CTIF: variants seen among roughly 807,000 people sequenced by gnomAD.
The protein encoded by CTIF is cap binding complex dependent translation initiation factor, also known as CBP80/20-dependent translation initiation factor.
In CTIF, 21 loss-of-function variants were observed where a neutral mutation model predicts 66.0. The observed-to-expected ratio is 0.32, with a 90% confidence interval of 0.23 to 0.46. The LOEUF (loss-of-function observed/expected upper bound fraction) is 0.46, where lower values mean the gene tolerates loss of function less well. CTIF is among the 20% of genes least tolerant of loss of function. CTIF has a pLI of 1.00. For synonymous variants in CTIF, 345 were observed against 326.4 expected (o/e 1.06, Z -0.62); for missense variants, 739 against 812.7 (o/e 0.91, Z 1.10).
At chr18:48,540,305 G>C (rs2088575866) in intron 1 of CTIF, 1 of 148,754 alleles carries the variant, frequency 6.7e-6, no homozygotes, top group Non-Finnish European at 1.5e-5. Flanking sequence ...CGTGGGGTGG[G>C]CTCCGGCTCG....
At chr18:48,769,713 G>A (rs981068507) in intron 9 of CTIF, among the ~76,000 whole-genome samples, 9 of 152,282 alleles carry the variant, frequency 5.9e-5, no homozygotes, top group Non-Finnish European at 1.3e-4. Flanking sequence ...GTGGATAGGA[G>A]CCGTGTGCCT....
intron 1 of CTIF, among the ~76,000 whole-genome samples, chr18:48,597,615 C>T (rs1341428755): frequency 6.6e-6 from 1 of 151,036 alleles, no homozygotes; most frequent in Non-Finnish European, 1.5e-5. Flanking sequence ...CCTGCTTTCA[C>T]TTTGCCTTCT....
rs1442431333 is a variant in CTIF, at chr18:48,539,261, C to G, written c.-80C>G. On this transcript the variant is annotated 5_prime_UTR_variant, in exon 1 of 12. Coordinates refer to ENST00000256413, the MANE Select transcript of CTIF (RefSeq NM_014772.3). ...GTCCCTCCCTTCCCCTTCCCTGCCC[C>G]CTTCCCCCACCCCCGACTCGGGCTT... 6.6e-6 allele frequency: 1 copy of G among 152,348 alleles called. No homozygotes were observed. Among genetic ancestry groups the G allele is most frequent in the East Asian group, 1.9e-4 (1 of 5,146 alleles). The allele number at this position is 152,348 out of a possible 1,614,324, so 9.4% of individuals were successfully genotyped here. A position where few individuals can be genotyped will look rare whatever the true frequency, so the allele number is the denominator to read the frequency against.
At chr18:48,652,279 C>G (rs2091169888) in intron 3 of CTIF, among the ~76,000 whole-genome samples, 1 of 152,052 alleles carries the variant, frequency 6.6e-6, no homozygotes, top group Non-Finnish European at 1.5e-5. Context: ...CAAATAGATG[C>G]AATAAAAAAT....
chr18:48,754,705 T>G (rs778937517), intron 7 of CTIF, among the ~76,000 whole-genome samples: 1 of 152,244 alleles, frequency 6.6e-6, no homozygotes, highest in Non-Finnish European at 1.5e-5. Flanking sequence ...GCTTTCCACA[T>G]GTGCAAAGGA....
intron 6 of CTIF, among the ~76,000 whole-genome samples, chr18:48,690,262 C>A (rs1314029960): frequency 2.0e-5 from 3 of 152,190 alleles, no homozygotes; most frequent in Non-Finnish European, 4.4e-5. Context: ...TCCCTAACTC[C>A]TCCGCTAGTC....
At chr18:48,723,857 T>A (rs2092363164) in intron 7 of CTIF, among the ~76,000 whole-genome samples, 1 of 152,334 alleles carries the variant, frequency 6.6e-6, no homozygotes, top group African/African-American at 2.4e-5. Context: ...GAAGCCAAGG[T>A]GGCCTCTATT....
At chr18:48,783,870 G>A (rs56120234) in intron 9 of CTIF, among the ~76,000 whole-genome samples, 10,177 of 151,952 alleles carry the variant, frequency 0.067, 446 homozygotes, top group Non-Finnish European at 0.097. Context: ...GAGGCACCCA[G>A]TCAGCACTCA....
intron 7 of CTIF, among the ~76,000 whole-genome samples, chr18:48,750,871 G>T (rs991879246): frequency 6.6e-6 from 1 of 152,200 alleles, no homozygotes; most frequent in African/African-American, 2.4e-5. Context: ...CAGCAATGGT[G>T]TGCAAGCTGC....
intron 10 of CTIF, among the ~76,000 whole-genome samples, chr18:48,820,581 A>G (rs1379029656): frequency 6.6e-6 from 1 of 152,178 alleles, no homozygotes; most frequent in East Asian, 1.9e-4. Flanking sequence ...GGATGTGGTC[A>G]GAACTGCACC....
At chr18:48,825,486 C>T (rs2068565455) in intron 10 of CTIF, among the ~76,000 whole-genome samples, 1 of 152,216 alleles carries the variant, frequency 6.6e-6, no homozygotes, top group African/African-American at 2.4e-5. Flanking sequence ...CGTGAGTGTG[C>T]ATTCAATTGC....
intron 10 of CTIF, among the ~76,000 whole-genome samples, chr18:48,828,612 T>A (rs2068629372): frequency 6.6e-6 from 1 of 152,228 alleles, no homozygotes; most frequent in African/African-American, 2.4e-5. Context: ...CCAGCCGGAA[T>A]TCTACTTTAA....
At chr18:48,656,385 T>C (rs1051830161) in intron 3 of CTIF, among the ~76,000 whole-genome samples, 2 of 152,228 alleles carry the variant, frequency 1.3e-5, no homozygotes, top group Admixed American at 6.5e-5. Context: ...AAAATGGGGA[T>C]GGTGATCATA....
intron 7 of CTIF, among the ~76,000 whole-genome samples, chr18:48,733,621 G>A (rs939900016): frequency 6.6e-6 from 1 of 152,230 alleles, no homozygotes; most frequent in Non-Finnish European, 1.5e-5. Context: ...GACAGTGTGG[G>A]TGCTGAGCTG....
At chr18:48,685,993 T>A (rs577007215) in intron 6 of CTIF, among the ~76,000 whole-genome samples, 1 of 152,326 alleles carries the variant, frequency 6.6e-6, no homozygotes, top group South Asian at 2.1e-4. Context: ...TTACTATTTT[T>A]CTCTTTGTAA....
chr18:48,779,869 G>A (rs1911048468), intron 9 of CTIF, among the ~76,000 whole-genome samples: 1 of 152,214 alleles, frequency 6.6e-6, no homozygotes, highest in African/African-American at 2.4e-5. Flanking sequence ...GGTATGTTTT[G>A]CTTCCACTTG....
At chr18:48,740,169 G>A (rs1240124378) in intron 7 of CTIF, among the ~76,000 whole-genome samples, 6 of 152,200 alleles carry the variant, frequency 3.9e-5, no homozygotes, top group Non-Finnish European at 8.8e-5. Flanking sequence ...CTGCCATAGA[G>A]TCCAGGCTCG....
At chr18:48,583,366 C>T (rs916254810) in intron 1 of CTIF, among the ~76,000 whole-genome samples, 4 of 152,204 alleles carry the variant, frequency 2.6e-5, no homozygotes, top group African/African-American at 9.7e-5. Flanking sequence ...TTAATTTTCT[C>T]AGAGTGTGAA....
intron 3 of CTIF, among the ~76,000 whole-genome samples, chr18:48,645,646 G>T (rs1407358710): frequency 6.6e-6 from 1 of 152,204 alleles, no homozygotes; most frequent in East Asian, 1.9e-4. Flanking sequence ...AACCTGACTT[G>T]CACCCCCACT....
Sources: gnomAD v4.1 joint callset for allele counts (sites outside exome capture counted in the v4.1 genomes callset) on GRCh38, gnomAD v4.1.1 for gene constraint, MANE v1.5 for transcripts, NCBI Gene and HGNC (gene_info 2026-07-23, HGNC 2026-07-21) for gene names.